Variants in ATL1 observed in about 807,000 individuals in gnomAD.
ATL1 encodes atlastin-1.
Under a neutral mutation model 75.5 loss-of-function variants are expected in ATL1, and 31 were observed. That is an observed-to-expected ratio of 0.41 (90% confidence interval 0.31 to 0.55). The LOEUF (loss-of-function observed/expected upper bound fraction) is 0.55, where lower values mean the gene tolerates loss of function less well. Among genes scored for constraint, ATL1 ranks in the 20% least tolerant of loss-of-function variants. ATL1 has a pLI of 0.27. For synonymous variants in ATL1, 226 were observed against 233.3 expected (o/e 0.97, Z 0.28); for missense variants, 405 against 662.6 (o/e 0.61, Z 4.27).
chr14:50,611,815 A>G (rs1014135727), intron 6 of ATL1, among the ~76,000 whole-genome samples: 2 of 152,152 alleles, frequency 1.3e-5, no homozygotes, highest in Non-Finnish European at 2.9e-5. Flanking sequence ...ACCCTCTAAG[A>G]CTGCTGGTAA....
rs777479928 is a variant in ATL1, at chr14:50,632,285, T to G, written c.1623T>G (p.Ala541=). ...AATHRHLYHQ[A]FPTPKSESTE... ...CCCACAGACATCTGTATCATCAAGC[T>G]TTCCCTACACCAAAGTCGGAATCTA... Residue 541 remains alanine (A), a synonymous_variant, in exon 14 of 14, where the codon GCT becomes GCG. Transcript: ENST00000358385. 60 of 1,613,596 alleles carry G rather than the reference T, an allele frequency of 3.7e-5. No individual in the cohort carries two copies. Among genetic ancestry groups the G allele is most frequent in the Non-Finnish European group, 5.0e-5 (59 of 1,179,744 alleles).
At chr14:50,594,398 A>G (rs561822104) in intron 5 of ATL1, among the ~76,000 whole-genome samples, 4 of 152,298 alleles carry the variant, frequency 2.6e-5, no homozygotes, top group South Asian at 4.1e-4. Flanking sequence ...AAGCCTAACC[A>G]TATCAATAAG....
At chr14:50,629,963 T>A in intron 12 of ATL1, 32 bp from the exon 13 acceptor site, 1 of 1,547,362 alleles carries the variant, frequency 6.5e-7, no homozygotes, top group Non-Finnish European at 8.8e-7. Context: ...TATATACTTT[T>A]CTTTTTTCTT....
intron 1 of ATL1, among the ~76,000 whole-genome samples, chr14:50,585,345 A>T (rs1006687213): frequency 6.6e-6 from 1 of 152,236 alleles, no homozygotes; most frequent in Non-Finnish European, 1.5e-5. Flanking sequence ...CAGTCTATAG[A>T]AAGTTATGAT....
intron 1 of ATL1, among the ~76,000 whole-genome samples, chr14:50,548,213 G>A (rs961038597): frequency 2.6e-5 from 4 of 152,286 alleles, no homozygotes; most frequent in East Asian, 1.9e-4. Context: ...AGACAGTAAA[G>A]CAACTGTAGG....
chr14:50,610,394 C>T (rs2039354649), intron 6 of ATL1, among the ~76,000 whole-genome samples: 1 of 152,008 alleles, frequency 6.6e-6, no homozygotes, highest in South Asian at 2.1e-4. Flanking sequence ...TATATCCTGC[C>T]AATTTGTTAA....
At chr14:50,548,335 T>C (rs2038660371) in intron 1 of ATL1, among the ~76,000 whole-genome samples, 1 of 152,068 alleles carries the variant, frequency 6.6e-6, no homozygotes, top group South Asian at 2.1e-4. Context: ...TGGGCACACA[T>C]AGAGCAAGAG....
At chr14:50,575,024 C>T (rs2038993242) in intron 1 of ATL1, among the ~76,000 whole-genome samples, 2 of 141,618 alleles carry the variant, frequency 1.4e-5, no homozygotes. Context: ...CTTTTTTCCT[C>T]TCTCTCTGGT....
chr14:50,614,916 C>T (rs556957406), intron 8 of ATL1, among the ~76,000 whole-genome samples: 13 of 152,278 alleles, frequency 8.5e-5, no homozygotes, highest in African/African-American at 3.1e-4. Flanking sequence ...CTCTTTAAAA[C>T]TGCTCCTAAA....
chr14:50,622,918 T>C (rs991099522), intron 10 of ATL1, among the ~76,000 whole-genome samples: 9 of 152,170 alleles, frequency 5.9e-5, no homozygotes, highest in Admixed American at 3.9e-4. Context: ...CTAAAAAATA[T>C]TTTTTGAGAG....
chr14:50,611,372 T>C (rs1245312674), intron 6 of ATL1, among the ~76,000 whole-genome samples: 1 of 152,132 alleles, frequency 6.6e-6, no homozygotes, highest in African/African-American at 2.4e-5. Context: ...AGTACATATA[T>C]AAATTGTCTT....
chr14:50,596,877 A>G (rs1441509648), intron 6 of ATL1, among the ~76,000 whole-genome samples: 1 of 152,134 alleles, frequency 6.6e-6, no homozygotes, highest in Non-Finnish European at 1.5e-5. Flanking sequence ...TATATTAGAG[A>G]AGAAGAAAGG....
At chr14:50,577,277 C>T (rs1019264178) in intron 1 of ATL1, among the ~76,000 whole-genome samples, 10 of 151,900 alleles carry the variant, frequency 6.6e-5, no homozygotes, top group South Asian at 4.1e-4. Flanking sequence ...TTAGCCAGGA[C>T]GATCTCAATC....
At chr14:50,587,575 A>C (rs1466085231) in intron 1 of ATL1, among the ~76,000 whole-genome samples, 1 of 151,026 alleles carries the variant, frequency 6.6e-6, no homozygotes, top group Non-Finnish European at 1.5e-5. Flanking sequence ...ACACCTGACG[A>C]ATTTTAAAAT....
intron 1 of ATL1, among the ~76,000 whole-genome samples, chr14:50,573,058 A>G (rs1329944753): frequency 1.3e-5 from 2 of 152,130 alleles, no homozygotes; most frequent in Admixed American, 6.5e-5. Flanking sequence ...CTCACTCACT[A>G]TCATGAGAAC....
intron 1 of ATL1, among the ~76,000 whole-genome samples, chr14:50,564,466 G>A (rs1397515896): frequency 1.3e-5 from 2 of 151,778 alleles, no homozygotes; most frequent in Admixed American, 1.3e-4. Context: ...TGGCTGACAC[G>A]GTGAAACCCC....
chr14:50,568,171 G>T (rs1348100611), intron 1 of ATL1, among the ~76,000 whole-genome samples: 1 of 152,086 alleles, frequency 6.6e-6, no homozygotes, highest in South Asian at 2.1e-4. Flanking sequence ...TTGATACAGT[G>T]TTCCTAGGTA....
At chr14:50,548,221 A>G (rs1310084807) in intron 1 of ATL1, among the ~76,000 whole-genome samples, 1 of 152,148 alleles carries the variant, frequency 6.6e-6, no homozygotes, top group African/African-American at 2.4e-5. Context: ...AAGCAACTGT[A>G]GGTTTTCCTA....
chr14:50,626,252 T>C lies in ATL1; in HGVS notation c.1120-1779T>C, dbSNP rs147240573. On this transcript the variant is annotated intron_variant, in intron 11 of 13. Coordinates refer to ENST00000358385, the MANE Select transcript of ATL1 (RefSeq NM_015915.5). The stretch of plus-strand genomic sequence containing the variant: ...ATAGCTGCCATAGATAGTGATTCTT[T>C]TGATGGATCTGGGCAAAGTACATTG... Among the ~76,000 whole-genome samples the C allele has an allele frequency of 3.0e-3, 453 of 152,360 alleles. 3 individuals are homozygous for C. Among genetic ancestry groups the C allele is most frequent in the Admixed American group, 3.4e-3 (52 of 15,308 alleles).
Sources: allele counts gnomAD v4.1 joint callset (sites outside exome capture counted in the v4.1 genomes callset), GRCh38; gene constraint gnomAD v4.1.1; transcripts MANE v1.5; gene names NCBI Gene and HGNC (gene_info 2026-07-23, HGNC 2026-07-21).